PTPRD: variants seen among roughly 807,000 people sequenced by gnomAD.
The protein encoded by PTPRD is receptor-type tyrosine-protein phosphatase delta.
A neutral mutation model predicts 214.5 loss-of-function variants in PTPRD; 34 were observed. The observed-to-expected ratio is 0.16, with a 90% CI of 0.12 to 0.21. PTPRD has a LOEUF of 0.21. PTPRD is among the 10% of genes least tolerant of loss of function. The pLI, the probability that PTPRD is intolerant of heterozygous loss-of-function variation, is 1.00. For synonymous variants in PTPRD, 1,128 were observed against 845.7 expected, an observed-to-expected ratio of 1.33 and a Z score of -5.79; for missense variants, 2,545 against 2,398.7, an observed-to-expected ratio of 1.06 and a Z score of -1.27.
At chr9:9,530,795 C>T (rs7030099) in intron 8 of PTPRD, among the ~76,000 whole-genome samples, 24,929 of 151,998 alleles carry the variant, frequency 0.16, 2,254 homozygotes, top group Middle Eastern at 0.2. Flanking sequence ...AACACAGATA[C>T]TGCATATTTT....
chr9:9,104,707 T>A (rs1158083718), intron 10 of PTPRD, among the ~76,000 whole-genome samples: 2 of 152,220 alleles, frequency 1.3e-5, no homozygotes, highest in African/African-American at 4.8e-5. Flanking sequence ...CTTTGTTTAC[T>A]TCCTGCCTCG....
chr9:10,209,140 C>T (rs1043560865), intron 3 of PTPRD, among the ~76,000 whole-genome samples: 1 of 152,000 alleles, frequency 6.6e-6, no homozygotes, highest in Non-Finnish European at 1.5e-5. Flanking sequence ...AATTGTATTG[C>T]ATACAATATG....
Position 8,499,858 on chromosome 9 carries a change from G to C in PTPRD, c.2129-18C>G, listed in dbSNP as rs1450931315. The C allele has an allele frequency of 6.3e-7, 1 of 1,585,108 alleles. No individual in the cohort carries two copies. The highest frequency in any genetic ancestry group is 8.6e-7 in the Non-Finnish European group (1 of 1,166,696). ...ACTAGGAACTGGAACAACATCATTG[G>C]ATAAAAGAAATTATAGGCACTTGTC... On this transcript the variant is annotated intron_variant, in intron 24 of 45. Transcript: ENST00000381196.
chr9:9,517,337 G>C (rs2154251208), intron 8 of PTPRD, among the ~76,000 whole-genome samples: 1 of 152,174 alleles, frequency 6.6e-6, no homozygotes, highest in South Asian at 2.1e-4. Flanking sequence ...TGACTAATTT[G>C]AAATTTTAGT....
chr9:9,698,730 T>C (rs1410455654), intron 7 of PTPRD, among the ~76,000 whole-genome samples: 2 of 152,196 alleles, frequency 1.3e-5, no homozygotes, highest in Non-Finnish European at 2.9e-5. Flanking sequence ...GTTGAAAAGC[T>C]GGCTGTTCAA....
At chr9:10,235,301 A>ACAC (rs1462865899) in intron 3 of PTPRD, among the ~76,000 whole-genome samples, 1 of 152,012 alleles carries the variant, frequency 6.6e-6, no homozygotes, top group Non-Finnish European at 1.5e-5. Flanking sequence ...AGACAATGAT[A>ACAC]CACCCAGTGT....
At chr9:9,272,659 T>C (rs1298534070) in intron 9 of PTPRD, among the ~76,000 whole-genome samples, 1 of 151,382 alleles carries the variant, frequency 6.6e-6, no homozygotes, top group African/African-American at 2.4e-5. Flanking sequence ...CATAAACATT[T>C]TGAGACTTTT....
intron 10 of PTPRD, among the ~76,000 whole-genome samples, chr9:9,065,874 A>T (rs752042342): frequency 2.6e-5 from 4 of 152,140 alleles, no homozygotes; most frequent in Admixed American, 6.5e-5. Flanking sequence ...CACCAATCTC[A>T]GTTGTCTTAT....
At chr9:8,481,911 T>G (rs1196392463) in intron 30 of PTPRD, among the ~76,000 whole-genome samples, 1 of 152,130 alleles carries the variant, frequency 6.6e-6, no homozygotes, top group Non-Finnish European at 1.5e-5. Context: ...GTCTCCTGAG[T>G]AGCTGGGATT....
intron 3 of PTPRD, among the ~76,000 whole-genome samples, chr9:10,218,590 G>A (rs369396120): frequency 2.6e-5 from 4 of 151,830 alleles, no homozygotes; most frequent in African/African-American, 9.6e-5. Flanking sequence ...CAGTGTATAC[G>A]ACCTTGGATT....
At chr9:10,366,131 G>A (rs2097511266) in intron 2 of PTPRD, among the ~76,000 whole-genome samples, 1 of 152,094 alleles carries the variant, frequency 6.6e-6, no homozygotes, top group Non-Finnish European at 1.5e-5. Flanking sequence ...CATGTGGGAG[G>A]CTCATCTTTG....
intron 14 of PTPRD, among the ~76,000 whole-genome samples, chr9:8,552,493 C>A (rs755758963): frequency 6.6e-6 from 1 of 152,138 alleles, no homozygotes; most frequent in African/African-American, 2.4e-5. Context: ...TCACACCAAA[C>A]CACCTTCATT....
At chr9:9,608,784 A>C (rs1341229913) in intron 7 of PTPRD, among the ~76,000 whole-genome samples, 2 of 152,204 alleles carry the variant, frequency 1.3e-5, no homozygotes, top group Non-Finnish European at 2.9e-5. Context: ...CTCTTTATTA[A>C]GAGTTAGATT....
chr9:8,886,843 G>T (rs747988399), intron 11 of PTPRD, among the ~76,000 whole-genome samples: 2 of 152,162 alleles, frequency 1.3e-5, no homozygotes, highest in Non-Finnish European at 2.9e-5. Context: ...ATACAGAGGC[G>T]TTGTCAGGCC....
intron 12 of PTPRD, among the ~76,000 whole-genome samples, chr9:8,646,325 T>G (rs2154340016): frequency 6.6e-6 from 1 of 152,338 alleles, no homozygotes; most frequent in African/African-American, 2.4e-5. Flanking sequence ...TTTTGTTTTC[T>G]AACGCATCTG....
chr9:8,565,571 G>A (rs1229747540), intron 14 of PTPRD, among the ~76,000 whole-genome samples: 2 of 152,024 alleles, frequency 1.3e-5, no homozygotes, highest in South Asian at 2.1e-4. Flanking sequence ...ACAGAAATAG[G>A]TGCATTTGGT....
At chr9:9,867,467 A>G (rs75518364) in intron 5 of PTPRD, among the ~76,000 whole-genome samples, 14,516 of 149,018 alleles carry the variant, frequency 0.097, 863 homozygotes, top group South Asian at 0.19. Flanking sequence ...TATGGTACAT[A>G]ATAAACATAT....
At chr9:10,134,455 C>T (rs1286083917) in intron 3 of PTPRD, among the ~76,000 whole-genome samples, 1 of 152,168 alleles carries the variant, frequency 6.6e-6, no homozygotes, top group Non-Finnish European at 1.5e-5. Flanking sequence ...ACAAAACAGG[C>T]AGGCAGCTAT....
intron 5 of PTPRD, among the ~76,000 whole-genome samples, chr9:9,933,304 C>G (rs1384325040): frequency 6.6e-6 from 1 of 152,104 alleles, no homozygotes; most frequent in African/African-American, 2.4e-5. Context: ...AGAGTCAAGA[C>G]CCATCAGTGT....
Sources: gnomAD v4.1 joint callset for allele counts (sites outside exome capture counted in the v4.1 genomes callset) on GRCh38, gnomAD v4.1.1 for gene constraint, MANE v1.5 for transcripts, NCBI Gene and HGNC (gene_info 2026-07-23, HGNC 2026-07-21) for gene names.